The following C10orf143 variants were observed in gnomAD, a reference collection of about 807,000 sequenced individuals.
The protein encoded by C10orf143 is chromosome 10 open reading frame 143.
chr10:130,082,956 G>C, intron 1 of C10orf143, among the ~76,000 whole-genome samples: 1 of 151,892 alleles, frequency 6.6e-6, no homozygotes, highest in East Asian at 1.9e-4. Flanking sequence ...CTTCTGTAAG[G>C]CCAAACAAAC....
chr10:130,107,020 A>C (rs1372006767), intron 1 of C10orf143: 4 of 1,217,070 alleles, frequency 3.3e-6, no homozygotes, highest in Admixed American at 1.7e-5. Flanking sequence ...CTTCTTTAAA[A>C]ACCTTAGAAG....
At chr10:130,092,724 T>C (rs1039939522) in intron 1 of C10orf143, among the ~76,000 whole-genome samples, 2 of 152,012 alleles carry the variant, frequency 1.3e-5, no homozygotes, top group African/African-American at 2.4e-5. Context: ...TGGAGGAATA[T>C]TTACCAAGCA....
chr10:130,061,719 G>A (rs942878226), downstream of C10orf143, among the ~76,000 whole-genome samples: 13 of 152,172 alleles, frequency 8.5e-5, no homozygotes, highest in Non-Finnish European at 7.3e-5. Flanking sequence ...CCCATTTCAC[G>A]CTCGTCATGG....
At chr10:130,066,298 T>C (rs951847199) in intron 3 of C10orf143, 1 of 148,922 alleles carries the variant, frequency 6.7e-6, no homozygotes, top group African/African-American at 2.5e-5. Context: ...AGAGATCCTC[T>C]CATCTCAGCC....
At chr10:130,078,835 G>T (rs985773506) in intron 3 of C10orf143, among the ~76,000 whole-genome samples, 5 of 151,998 alleles carry the variant, frequency 3.3e-5, no homozygotes, top group Admixed American at 2.0e-4. Context: ...TCTTTAGGGG[G>T]CAATCTCAGA....
intron 3 of C10orf143, among the ~76,000 whole-genome samples, chr10:130,040,437 T>C (rs1860593102): frequency 6.6e-6 from 1 of 152,206 alleles, no homozygotes; most frequent in South Asian, 2.1e-4. Context: ...ATTTGGTTCA[T>C]AAGACACTGA....
intron 1 of C10orf143, among the ~76,000 whole-genome samples, chr10:130,088,143 G>T (rs1313003926): frequency 6.6e-6 from 1 of 152,236 alleles, no homozygotes; most frequent in Non-Finnish European, 1.5e-5. Flanking sequence ...AGCACTTTGG[G>T]AGGTCAAGGC....
intron 1 of C10orf143, among the ~76,000 whole-genome samples, chr10:130,092,080 C>T (rs2134789780): frequency 6.6e-6 from 1 of 152,230 alleles, no homozygotes; most frequent in South Asian, 2.1e-4. Context: ...CAAAGATACT[C>T]CTTGAGAAGA....
chr10:130,102,440 T>C (rs1861573040), intron 1 of C10orf143, among the ~76,000 whole-genome samples: 1 of 152,072 alleles, frequency 6.6e-6, no homozygotes, highest in African/African-American at 2.4e-5. Context: ...ATCCAGCTAA[T>C]TTTTTGTATT....
At chr10:130,053,726 C>T (rs1389557817) in intron 3 of C10orf143, among the ~76,000 whole-genome samples, 21 of 152,218 alleles carry the variant, frequency 1.4e-4, no homozygotes, top group Admixed American at 1.4e-3. Context: ...CTGTCAATTA[C>T]TATGGATGCC....
At chr10:130,109,847 A>G (rs1454892537) in intron 1 of C10orf143, among the ~76,000 whole-genome samples, 2 of 151,894 alleles carry the variant, frequency 1.3e-5, no homozygotes, top group Admixed American at 6.6e-5. Flanking sequence ...GTGTAGCTCT[A>G]GAAGAAAAAA....
chr10:130,049,243 A>C (rs1224059744), intron 3 of C10orf143, among the ~76,000 whole-genome samples: 1 of 152,140 alleles, frequency 6.6e-6, no homozygotes, highest in Non-Finnish European at 1.5e-5. Flanking sequence ...GAAATCATCC[A>C]GTGGCGATCA....
intron 3 of C10orf143, among the ~76,000 whole-genome samples, chr10:130,073,742 T>A (rs1861069978): frequency 2.6e-5 from 4 of 152,180 alleles, no homozygotes. Context: ...CTTCTAGTCA[T>A]CTGAAGCCCC....
At chr10:130,039,199 A>G (rs1411818439) in intron 3 of C10orf143, among the ~76,000 whole-genome samples, 1 of 152,190 alleles carries the variant, frequency 6.6e-6, no homozygotes, top group African/African-American at 2.4e-5. Context: ...GTCTCCAGGG[A>G]AAGAGAACCA....
At chr10:130,090,367 C>T (rs1293938758) in intron 1 of C10orf143, among the ~76,000 whole-genome samples, 5 of 152,252 alleles carry the variant, frequency 3.3e-5, no homozygotes, top group East Asian at 1.9e-4. Context: ...CCATGAGGAA[C>T]GGTGCACTCC....
chr10:130,045,596 T>A (rs1375637268), intron 3 of C10orf143, among the ~76,000 whole-genome samples: 1 of 152,242 alleles, frequency 6.6e-6, no homozygotes, highest in Non-Finnish European at 1.5e-5. Context: ...GGAACGTTTC[T>A]GTTCTCTGGC....
intron 3 of C10orf143, among the ~76,000 whole-genome samples, chr10:130,050,938 G>C (rs1345907931): frequency 6.6e-6 from 1 of 152,178 alleles, no homozygotes; most frequent in African/African-American, 2.4e-5. Flanking sequence ...CCCATCTCAG[G>C]CTGTGGAGGG....
At chr10:130,107,712 G>A in intron 1 of C10orf143, 2 of 1,248,390 alleles carry the variant, frequency 1.6e-6, no homozygotes, top group Non-Finnish European at 2.3e-6. Flanking sequence ...GAAGGAAGAG[G>A]CTCAAGAGGC....
In C10orf143 at chr10:130,094,899, A is replaced by C. The variant is rs528093722; in HGVS notation, c.70-14998T>G. On this transcript the variant is annotated intron_variant, in intron 1 of 3. Coordinates refer to ENST00000637128, the MANE Select transcript of C10orf143 (RefSeq NM_001355042.2). ...CAGGGCAATCAGGCAAAAGAAAGAA[A>C]TAAAGGTATTCAAATAGGAAGAGAG... Among the ~76,000 whole-genome samples, 10 of 152,326 alleles carry C rather than the reference A, an allele frequency of 6.6e-5. No individual in the cohort carries two copies. The East Asian group carries it at 1.7e-3, about 26-fold the overall frequency.
Sources: allele counts gnomAD v4.1 joint callset (sites outside exome capture counted in the v4.1 genomes callset), GRCh38; gene constraint gnomAD v4.1.1; transcripts MANE v1.5; gene names NCBI Gene and HGNC (gene_info 2026-07-23, HGNC 2026-07-21).